Variants in LRRC27 observed in about 807,000 individuals in gnomAD.
LRRC27 encodes the protein leucine-rich repeat-containing protein 27.
In LRRC27, 57 loss-of-function variants were observed where a neutral mutation model predicts 55.0. The ratio of observed to expected loss-of-function variants is 1.04; its 90% CI spans 0.84 to 1.29. LRRC27 has a LOEUF of 1.29. Among genes scored for constraint, LRRC27 ranks in the 50% most tolerant of loss-of-function variants. LRRC27 has a pLI of 0.00. For synonymous variants in LRRC27, 278 were observed against 251.9 expected (o/e 1.10, Z -0.98); for missense variants, 721 against 651.5 (o/e 1.11, Z -1.16).
intron 9 of LRRC27, among the ~76,000 whole-genome samples, chr10:132,364,855 A>C (rs1224976708): frequency 7.5e-4 from 1 of 1,338 alleles, no homozygotes; most frequent in Non-Finnish European, 4.3e-3. Context: ...CTGGGGCCCC[A>C]CACTCACGCA....
Position 132,375,185 on chromosome 10 carries a change from A to G in LRRC27, c.1536A>G (p.Gln512=). The G allele has an allele frequency of 6.2e-7, 1 of 1,614,114 alleles. No homozygotes were observed. Among genetic ancestry groups the G allele is most frequent in the Non-Finnish European group, 8.5e-7 (1 of 1,179,976 alleles). The change falls in exon 11 of 11, where the codon CAA becomes CAG. Residue 512 remains glutamine (Q), a synonymous_variant. Transcript: ENST00000368614. ...LSLGLPAAQP[Q]NTFFNTKYGE... is the part of the protein sequence containing the mutation. ...TTGGCCTGCCGGCAGCACAGCCTCAAAATACATTTTTTAACACAAAATATG... is the reference window on the plus strand; with the variant it reads ...TTGGCCTGCCGGCAGCACAGCCTCAGAATACATTTTTTAACACAAAATATG...
In LRRC27 at chr10:132,333,736, T is replaced by A. The variant is rs1400737170; in HGVS notation, c.210+2T>A. 1 of 1,610,732 alleles carries A rather than the reference T, an allele frequency of 6.2e-7. No individual in the cohort carries two copies. The highest frequency in any genetic ancestry group is 8.5e-7 in the Non-Finnish European group (1 of 1,178,788). The stretch of plus-strand genomic sequence containing the variant: ...GTCTTTAGAATCCCCAGCCTTCAAG[T>A]AAGTGGGGCTGCTCCTCAGGCTGTG... On this transcript the variant is annotated splice_donor_variant, in intron 2 of 10. Transcript: ENST00000368614. LOFTEE classifies it high-confidence loss of function.
intron 10 of LRRC27, chr10:132,366,900 A>C (rs757611944): frequency 7.8e-7 from 1 of 1,285,812 alleles, no homozygotes; most frequent in Non-Finnish European, 1.0e-6. Flanking sequence ...CACTTCATGG[A>C]GACCCCACCC....
rs892041337 is a variant in LRRC27 at position 132,361,734 on chromosome 10, A to T, written c.1289+159A>T. 6 of 613,252 alleles carry T rather than the reference A, an allele frequency of 9.8e-6. No individual in the cohort carries two copies. The African/African-American group carries it at 1.1e-4, about 11-fold the overall frequency. The allele number at this position is 613,252 out of a possible 1,614,324, so 38.0% of individuals were successfully genotyped here. On this transcript the variant is annotated intron_variant, in intron 9 of 10. Coordinates refer to ENST00000368614, the MANE Select transcript of LRRC27 (RefSeq NM_030626.3). ...CGGGCTCCAGGCTGTGGTGGGCTCC[A>T]GGGAGAGCCAGGTAACCCTGGAAGA...
Position 132,333,605 on chromosome 10 carries a change from G to C in LRRC27, c.81G>C (p.Leu27Phe), listed in dbSNP as rs1564816724. Residue 27 changes from leucine to phenylalanine, a missense_variant, in exon 2 of 11, where the codon TTG becomes TTC. Physicochemically the swap from Leu to Phe is conservative, Grantham distance 22. Coordinates refer to ENST00000368614, the MANE Select transcript of LRRC27 (RefSeq NM_030626.3). ...LEEGAGQTRS[L>F]PATPSKDVHK... Reference sequence around the variant, plus strand: ...AGGGTGCTGGTCAGACTAGGAGCTTGCCTGCCACCCCCTCCAAAGATGTTC... The same window carrying C: ...AGGGTGCTGGTCAGACTAGGAGCTTCCCTGCCACCCCCTCCAAAGATGTTC... 3.1e-6 allele frequency: 5 copies of C among 1,612,766 alleles called. No homozygotes were observed. Among genetic ancestry groups the C allele is most frequent in the Non-Finnish European group, 4.2e-6 (5 of 1,180,018 alleles).
upstream of LRRC27, chr10:132,332,115 C>T (rs2066797781): frequency 4.9e-6 from 1 of 202,952 alleles, no homozygotes; most frequent in East Asian, 1.2e-4. Context: ...GCATCACAGA[C>T]ACACTCGCGC....
Position 132,361,551 on chromosome 10 carries a change from C to A in LRRC27, c.1265C>A (p.Ser422Ter), listed in dbSNP as rs748794466. ...AAAATGAAACCAAGCAAAGAGAAAT[C>A]GCCACAAGCAAGTAAAGAAATGAGG... ...PGKMKPSKEK[S>*]PQASKEMSAL... Residue 422 changes from serine to a stop codon, truncating the protein, a stop_gained, in exon 9 of 11, where the codon TCG (serine) becomes TAG (stop). Transcript: ENST00000368614. LOFTEE classifies it high-confidence loss of function. The A allele has an allele frequency of 6.2e-6, 10 of 1,613,382 alleles. No individual in the cohort carries two copies. Among genetic ancestry groups the A allele is most frequent in the Non-Finnish European group, 8.5e-6 (10 of 1,179,706 alleles).
chr10:132,354,764 C>T (rs977200511), intron 7 of LRRC27, among the ~76,000 whole-genome samples: 12 of 152,192 alleles, frequency 7.9e-5, no homozygotes, highest in East Asian at 3.9e-4. Flanking sequence ...GAGGAAAACC[C>T]GGCCTGGGGC....
chr10:132,364,922 C>G (rs2068985023), intron 9 of LRRC27, among the ~76,000 whole-genome samples: 1 of 134,782 alleles, frequency 7.4e-6, no homozygotes, highest in Non-Finnish European at 1.7e-5. Context: ...CCAGCTCTTT[C>G]TACCACCCTG....
intron 2 of LRRC27, among the ~76,000 whole-genome samples, chr10:132,335,852 A>G (rs976450831): frequency 3.9e-5 from 6 of 152,182 alleles, no homozygotes; most frequent in African/African-American, 1.4e-4. Context: ...GCTGATAAGA[A>G]CGGACAAAAC....
intron 2 of LRRC27, chr10:132,336,624 CT>C: frequency 1.6e-6 from 1 of 638,496 alleles, no homozygotes. Flanking sequence ...ACGCACTGTT[CT>C]TTAGTGCTTG....
At chr10:132,365,809 G>A (rs2069052587) in intron 10 of LRRC27, among the ~76,000 whole-genome samples, 1 of 152,196 alleles carries the variant, frequency 6.6e-6, no homozygotes, top group Non-Finnish European at 1.5e-5. Flanking sequence ...ATGTTGGCCA[G>A]CCTTGTCTCG....
chr10:132,358,705 CAGT>C (rs1243864043), intron 8 of LRRC27, among the ~76,000 whole-genome samples: 3 of 36,532 alleles, frequency 8.2e-5, no homozygotes, highest in Admixed American at 6.7e-4. Context: ...GGTGGTAGAG[CAGT>C]GTGGGGAGGA....
chr10:132,346,403 G>A lies in LRRC27; in HGVS notation c.554-1581G>A, dbSNP rs1000957128. On this transcript the variant is annotated intron_variant, in intron 5 of 10. Coordinates refer to ENST00000368614, the MANE Select transcript of LRRC27 (RefSeq NM_030626.3). ...CTTTAAAAAGTCTTTGCTGGCGGGC[G>A]TGGTGGCTCACGCCTGTGATCCCAG... 5.9e-5 allele frequency among the ~76,000 whole-genome samples: 9 copies of A among 152,354 alleles called. No homozygotes were observed. The South Asian group carries it at 1.0e-3, about 18-fold the overall frequency.
At position 132,365,492 on chromosome 10, in the gene LRRC27, G is replaced by T. The variant is rs970158794; in HGVS notation, c.1358G>T (p.Arg453Ile). ...QHVLQMREQR[R>I]FHGQAPLEEM... ...GTCCTCCAAATGCGTGAGCAAAGAAGATTCCATGGCCAGGCCCCACTGGAG... is the reference window on the plus strand; with the variant it reads ...GTCCTCCAAATGCGTGAGCAAAGAATATTCCATGGCCAGGCCCCACTGGAG... Residue 453 changes from arginine (R) to isoleucine (I), a missense_variant, in exon 10 of 11, where the codon AGA (arginine) becomes ATA (isoleucine). Coordinates refer to ENST00000368614, the MANE Select transcript of LRRC27 (RefSeq NM_030626.3). 6.2e-7 allele frequency: 1 copy of T among 1,613,766 alleles called. No individual in the cohort carries two copies. Among genetic ancestry groups the T allele is most frequent in the Non-Finnish European group, 8.5e-7 (1 of 1,180,016 alleles).
At chr10:132,351,836 T>C in intron 7 of LRRC27, 83 bp downstream of exon 7, 1 of 1,456,644 alleles carries the variant, frequency 6.9e-7, no homozygotes, top group Non-Finnish European at 9.3e-7. Flanking sequence ...ATGGCAGGCC[T>C]CGTGGAAGTG....
At chr10:132,367,312 A>G (rs1483507434) in intron 10 of LRRC27, among the ~76,000 whole-genome samples, 1 of 152,254 alleles carries the variant, frequency 6.6e-6, no homozygotes, top group Non-Finnish European at 1.5e-5. Flanking sequence ...TCTACCAAAC[A>G]TTTAAGGTTT....
Position 132,333,502 on chromosome 10 carries a change from C to A in LRRC27, c.-23C>A. ...GTGACTCCAGACCAAGGAGGATGAG[C>A]TGCTGTCCCTGGAAGAGAACGGATG... On this transcript the variant is annotated 5_prime_UTR_variant, in exon 2 of 11. The change creates a new upstream start codon in the 5' untranslated region. Transcript: ENST00000368614. The A allele has an allele frequency of 6.4e-7, 1 of 1,557,666 alleles. No individual in the cohort carries two copies.
chr10:132,359,044 T>C (rs1164593952), intron 8 of LRRC27, among the ~76,000 whole-genome samples: 7 of 5,560 alleles, frequency 1.3e-3, no homozygotes, highest in African/African-American at 2.1e-3. Flanking sequence ...GATGGAGCAG[T>C]GTGGGGAGGA....
Sources: gnomAD v4.1 joint callset for allele counts (sites outside exome capture counted in the v4.1 genomes callset) on GRCh38, gnomAD v4.1.1 for gene constraint, MANE v1.5 for transcripts, NCBI Gene and HGNC (gene_info 2026-07-23, HGNC 2026-07-21) for gene names.